Variants in CCPG1 observed in about 807,000 individuals in gnomAD.
CCPG1 encodes cell cycle progression 1.
In CCPG1, 46 loss-of-function variants were observed where a neutral mutation model predicts 81.3. That is an observed-to-expected ratio of 0.57 (90% CI 0.45 to 0.72). The LOEUF (loss-of-function observed/expected upper bound fraction) is 0.72. Among genes scored for constraint, CCPG1 ranks in the 30% least tolerant of loss-of-function variants. CCPG1 has a pLI of 0.00. For synonymous variants in CCPG1, 330 were observed against 305.2 expected, an observed-to-expected ratio of 1.08 and a Z score of -0.85; for missense variants, 902 against 937.6, an observed-to-expected ratio of 0.96 and a Z score of 0.50.
At position 55,355,351 on chromosome 15, in the gene CCPG1, G is replaced by A. The variant is rs1202042495; in HGVS notation, c.*869C>T. On this transcript the variant is annotated 3_prime_UTR_variant, in exon 9 of 9. Coordinates refer to ENST00000442196, the MANE Select transcript of CCPG1 (RefSeq NM_001204450.2). ...CTGCTGTTTTCTTCCACACTCACTT[G>A]CCAGAGGGTCGAATTGGAAGTCACA... 1 of 1,610,482 alleles carries A rather than the reference G, an allele frequency of 6.2e-7. No individual in the cohort carries two copies. The highest frequency in any genetic ancestry group is 1.3e-5 in the African/African-American group (1 of 74,814).
intron 1 of CCPG1, among the ~76,000 whole-genome samples, chr15:55,391,036 C>T (rs561902876): frequency 6.6e-6 from 1 of 152,302 alleles, no homozygotes; most frequent in Non-Finnish European, 1.5e-5. Flanking sequence ...ATCCAAAAAG[C>T]TACAGTTTAA....
rs2056160326 is a variant in CCPG1, at chr15:55,360,078, A to T, written c.1695T>A (p.Val565=). Residue 565 remains valine, a synonymous_variant, in exon 8 of 9, where the codon GTT becomes GTA. Transcript: ENST00000442196. ...TKEAAEKPRT[V]FSDYLHPQYK... ...ACTGTGGATGTAAATAGTCACTAAA[A>T]ACTGTTCTTGGTTTTTCAGCTGCTT... 1 of 1,613,534 alleles carries T rather than the reference A, an allele frequency of 6.2e-7. No individual in the cohort carries two copies. The highest frequency in any genetic ancestry group is 1.3e-5 in the African/African-American group (1 of 74,802).
intron 1 of CCPG1, among the ~76,000 whole-genome samples, chr15:55,407,032 T>A (rs7162868): frequency 1.4e-5 from 2 of 142,460 alleles, no homozygotes; most frequent in Non-Finnish European, 3.0e-5. Flanking sequence ...GGCCGACACG[T>A]TGAGACCCCC....
At chr15:55,389,068 C>CAAAAAAAAAAAAAAAAA (rs373917631) in intron 2 of CCPG1, among the ~76,000 whole-genome samples, 2 of 56,296 alleles carry the variant, frequency 3.6e-5, no homozygotes, top group Non-Finnish European at 6.5e-5. Context: ...GACTCTGTCT[C>CAAAAAAAAAAAAAAAAA]AAAAAAAAAA....
intron 6 of CCPG1, among the ~76,000 whole-genome samples, chr15:55,369,632 G>C (rs997507292): frequency 6.6e-6 from 1 of 152,108 alleles, no homozygotes; most frequent in South Asian, 2.1e-4. Context: ...TACTATGTAG[G>C]CCTACTTCAT....
intron 1 of CCPG1, among the ~76,000 whole-genome samples, chr15:55,392,570 G>T (rs1003087354): frequency 6.6e-6 from 1 of 151,774 alleles, no homozygotes; most frequent in Non-Finnish European, 1.5e-5. Flanking sequence ...ACCCAGGCTG[G>T]AGGGCAGTGA....
At chr15:55,407,105 G>A (rs1023544909) in intron 1 of CCPG1, among the ~76,000 whole-genome samples, 1 of 151,366 alleles carries the variant, frequency 6.6e-6, no homozygotes, top group African/African-American at 2.4e-5. Context: ...GCGGGCGCCT[G>A]TAATCCCAGA....
At chr15:55,368,330 T>C (rs138847555) in intron 6 of CCPG1, among the ~76,000 whole-genome samples, 1,663 of 152,290 alleles carry the variant, frequency 0.011, 14 homozygotes, top group Non-Finnish European at 0.014. Flanking sequence ...GGTTATCAGA[T>C]TCTCTGTCGC....
intron 3 of CCPG1, among the ~76,000 whole-genome samples, chr15:55,380,407 T>TG (rs1472098261): frequency 6.6e-6 from 1 of 151,528 alleles, no homozygotes; most frequent in African/African-American, 2.4e-5. Flanking sequence ...GCCATCCTCC[T>TG]GCCTCAGGCT....
intron 2 of CCPG1, among the ~76,000 whole-genome samples, chr15:55,386,044 T>C (rs1566977793): frequency 6.6e-6 from 1 of 152,142 alleles, no homozygotes; most frequent in East Asian, 1.9e-4. Context: ...CTACTTAACA[T>C]TTATGGAACT....
Position 55,356,133 on chromosome 15 carries a change from CTTGGTAATT to C in CCPG1, c.*78_*86del. ...GAAACAAAAGAAAAGACATTGTCATCTTGGTAATTTCATTAGTTTCAATACCAAACATTA... is the reference window on the plus strand; with the variant it reads ...GAAACAAAAGAAAAGACATTGTCATCTCATTAGTTTCAATACCAAACATTA... On this transcript the variant is annotated 3_prime_UTR_variant, in exon 9 of 9. Coordinates refer to ENST00000442196, the MANE Select transcript of CCPG1 (RefSeq NM_001204450.2). 1 of 946,372 alleles carries C rather than the reference CTTGGTAATT, an allele frequency of 1.1e-6. No individual in the cohort carries two copies. The highest frequency in any genetic ancestry group is 1.5e-6 in the Non-Finnish European group (1 of 647,246). 58.6% of individuals were successfully genotyped at this position (946,372 alleles called of 1,614,324 possible).
chr15:55,403,311 C>A (rs1214592551), intron 1 of CCPG1, among the ~76,000 whole-genome samples: 3 of 151,946 alleles, frequency 2.0e-5, no homozygotes, highest in Non-Finnish European at 4.4e-5. Context: ...TGATTTCCAA[C>A]CTAATGCTCT....
intron 3 of CCPG1, 62 bp from the exon 4 acceptor site, chr15:55,378,438 G>A: frequency 1.0e-6 from 1 of 977,794 alleles, no homozygotes; most frequent in South Asian, 1.5e-5. Context: ...TTGACTTTCT[G>A]CAGCCAACAT....
At position 55,360,688 on chromosome 15, in the gene CCPG1, T is replaced by C; in HGVS notation, c.1085A>G (p.Lys362Arg). 1.2e-6 allele frequency: 2 copies of C among 1,613,828 alleles called. No individual in the cohort carries two copies. The highest frequency in any genetic ancestry group is 2.2e-5 in the South Asian group (2 of 90,952). ...ACTAAGAAAGCTGTGTTTTTTCTGC[T>C]TTTCCTCTTCCAAATGCTGCTTAAG... The part of the protein sequence containing the change: ...QKLKQHLEEE[K>R]QKKHSFLSQR... The change falls in exon 8 of 9, where the codon AAG becomes AGG. Residue 362 changes from lysine to arginine, a missense_variant. Coordinates refer to ENST00000442196, the MANE Select transcript of CCPG1 (RefSeq NM_001204450.2).
intron 3 of CCPG1, among the ~76,000 whole-genome samples, chr15:55,382,331 A>G (rs1308370114): frequency 1.3e-5 from 2 of 152,164 alleles, no homozygotes; most frequent in Non-Finnish European, 2.9e-5. Flanking sequence ...TTTATTAACT[A>G]AGTTTGTGTA....
At chr15:55,388,813 G>A (rs2056854976) in intron 2 of CCPG1, among the ~76,000 whole-genome samples, 1 of 150,542 alleles carries the variant, frequency 6.6e-6, no homozygotes, top group Admixed American at 6.6e-5. Flanking sequence ...GCTCACATCT[G>A]TAAGCCCAGC....
At chr15:55,369,542 A>C (rs1487917382) in intron 6 of CCPG1, among the ~76,000 whole-genome samples, 2 of 152,210 alleles carry the variant, frequency 1.3e-5, no homozygotes, top group Non-Finnish European at 2.9e-5. Flanking sequence ...CTCAAAAAAA[A>C]AAAAAAGTGA....
At chr15:55,359,351 A>T (rs2056144410) in intron 8 of CCPG1, 188 bp downstream of exon 8, 2 of 1,348,172 alleles carry the variant, frequency 1.5e-6, no homozygotes, top group African/African-American at 3.0e-5. Flanking sequence ...TTATAATGAA[A>T]TGTTCCATTT....
rs115813515 is a variant in CCPG1 at position 55,401,302 on chromosome 15, C to T, written c.-10+6919G>A. Among the ~76,000 whole-genome samples, 1,498 of 152,284 alleles carry T rather than the reference C, an allele frequency of 9.8e-3. 20 individuals are homozygous for T. Among genetic ancestry groups the T allele is most frequent in the African/African-American group, 0.034 (1,417 of 41,548 alleles). ...ATTTTCTATTCCTGAACCACTACAACGCTGGTTTAATTGCTATGGTACTGA... is the reference window on the plus strand; with the variant it reads ...ATTTTCTATTCCTGAACCACTACAATGCTGGTTTAATTGCTATGGTACTGA... On this transcript the variant is annotated intron_variant, in intron 1 of 8. Coordinates refer to ENST00000442196, the MANE Select transcript of CCPG1 (RefSeq NM_001204450.2).
Sources: allele counts gnomAD v4.1 joint callset (sites outside exome capture counted in the v4.1 genomes callset), GRCh38; gene constraint gnomAD v4.1.1; transcripts MANE v1.5; gene names NCBI Gene and HGNC (gene_info 2026-07-23, HGNC 2026-07-21).